The following SOX6 variants were observed in gnomAD, a reference collection of about 807,000 sequenced individuals.
SOX6 encodes transcription factor SOX-6.
A neutral mutation model predicts 97.8 loss-of-function variants in SOX6; 11 were observed. That is an observed-to-expected ratio of 0.11 (90% CI 0.07 to 0.19). SOX6 has a LOEUF of 0.19. SOX6 is among the 10% of genes least tolerant of loss of function. The probability of loss-of-function intolerance (pLI) is 1.00; values close to 1 mark genes in which losing one functional copy is unlikely to be tolerated. For missense variants in SOX6, 810 were observed against 1,039.5 expected (o/e 0.78, Z 3.04); for synonymous variants, 360 against 371.4 (o/e 0.97, Z 0.35).
chr11:16,150,676 A>T (rs1352260324), intron 6 of SOX6, among the ~76,000 whole-genome samples: 2 of 152,264 alleles, frequency 1.3e-5, no homozygotes, highest in Non-Finnish European at 2.9e-5. Context: ...ACCATTCCTC[A>T]TTCACCCACT....
chr11:16,574,249 T>C (rs998664944), intron 4 of SOX6, among the ~76,000 whole-genome samples: 2 of 152,050 alleles, frequency 1.3e-5, no homozygotes, highest in Non-Finnish European at 2.9e-5. Context: ...TATTATAAAG[T>C]AAATATAATT....
chr11:16,015,460 T>C (rs995964741), intron 12 of SOX6: 5 of 187,348 alleles, frequency 2.7e-5, no homozygotes, highest in African/African-American at 1.2e-4. Context: ...ATAGTTTGCA[T>C]TGGTATTCCT....
At chr11:16,355,451 T>C (rs1229271321) in intron 1 of SOX6, among the ~76,000 whole-genome samples, 1 of 152,048 alleles carries the variant, frequency 6.6e-6, no homozygotes, top group Non-Finnish European at 1.5e-5. Flanking sequence ...TTTATATAAA[T>C]AATACTTTCA....
chr11:16,021,487 T>C (rs757485851), intron 12 of SOX6, among the ~76,000 whole-genome samples: 2 of 152,166 alleles, frequency 1.3e-5, no homozygotes, highest in Non-Finnish European at 2.9e-5. Context: ...AAATGTAGGC[T>C]TTACACTGGA....
rs1853265985 is a variant in SOX6 at position 15,970,393 on chromosome 11, CATACA to C, written c.*2411_*2415del. 1.3e-5 allele frequency: 2 copies of C among 152,362 alleles called. No individual in the cohort carries two copies. The highest frequency in any genetic ancestry group is 2.9e-5 in the Non-Finnish European group (2 of 67,988). 9.4% of individuals were successfully genotyped at this position (152,362 alleles called of 1,614,324 possible). ...GTTTGCTTTTGTGCAAAATTAATTA[CATACA>C]ATACAATGCTAGCCATACAACACTC... On this transcript the variant is annotated 3_prime_UTR_variant, in exon 16 of 16. Transcript: ENST00000683767.
chr11:16,518,505 A>G (rs1029486207), intron 4 of SOX6, among the ~76,000 whole-genome samples: 19 of 152,214 alleles, frequency 1.2e-4, no homozygotes, highest in Admixed American at 6.5e-4. Flanking sequence ...CTAGGCTATA[A>G]GCTCATTGAG....
At chr11:16,435,940 A>G (rs1859367942) in intron 1 of SOX6, among the ~76,000 whole-genome samples, 1 of 151,926 alleles carries the variant, frequency 6.6e-6, no homozygotes, top group Non-Finnish European at 1.5e-5. Context: ...GTCACTTGCT[A>G]CCTCAGCTAC....
chr11:16,194,994 C>T (rs575095323), intron 4 of SOX6, among the ~76,000 whole-genome samples: 29 of 152,272 alleles, frequency 1.9e-4, no homozygotes, highest in African/African-American at 6.7e-4. Context: ...TAATTTCTGG[C>T]CTTTCAGAAA....
At chr11:16,583,623 A>ATATATG (rs1565186441) in intron 4 of SOX6, among the ~76,000 whole-genome samples, 5 of 138,468 alleles carry the variant, frequency 3.6e-5, no homozygotes, top group African/African-American at 1.3e-4. Context: ...ACATATATAT[A>ATATATG]TATATATATA....
At chr11:16,202,921 T>C (rs1008686486) in intron 4 of SOX6, among the ~76,000 whole-genome samples, 2 of 152,000 alleles carry the variant, frequency 1.3e-5, no homozygotes, top group African/African-American at 2.4e-5. Context: ...CCAAAATACA[T>C]AGAAAATCTA....
chr11:16,330,955 T>C (rs1856273432), intron 2 of SOX6, among the ~76,000 whole-genome samples: 1 of 152,132 alleles, frequency 6.6e-6, no homozygotes. Flanking sequence ...AAAAAGAATG[T>C]CTTTTTGACA....
chr11:16,545,674 A>G (rs1008756687), intron 4 of SOX6, among the ~76,000 whole-genome samples: 1 of 152,168 alleles, frequency 6.6e-6, no homozygotes, highest in Non-Finnish European at 1.5e-5. Context: ...CAAACTGACC[A>G]GGCATGGTGG....
chr11:16,202,912 C>G (rs1436589065), intron 4 of SOX6, among the ~76,000 whole-genome samples: 1 of 151,884 alleles, frequency 6.6e-6, no homozygotes, highest in Non-Finnish European at 1.5e-5. Context: ...AAGCAAACAC[C>G]AAAATACATA....
intron 2 of SOX6, among the ~76,000 whole-genome samples, chr11:16,727,037 G>T (rs1010112102): frequency 8.6e-5 from 13 of 152,000 alleles, no homozygotes; most frequent in African/African-American, 3.1e-4. Flanking sequence ...TTAACTTACA[G>T]TTAAATTTTT....
intron 3 of SOX6, among the ~76,000 whole-genome samples, chr11:16,294,313 G>T (rs1207262454): frequency 1.3e-5 from 2 of 152,010 alleles, no homozygotes; most frequent in Non-Finnish European, 2.9e-5. Context: ...ATTTTTAAAA[G>T]TCTTGAGCTT....
chr11:16,488,196 G>A lies in SOX6; in HGVS notation n.610-11808C>T, dbSNP rs192754376. On this transcript the variant is annotated intron_variant and non_coding_transcript_variant, in intron 4 of 5. Transcript: ENST00000524520. ...TCATCACTTACTGGATGTTTACTCTGTGCCAGGCACTGTGTTAAGCCCTGA... is the reference window on the plus strand; with the variant it reads ...TCATCACTTACTGGATGTTTACTCTATGCCAGGCACTGTGTTAAGCCCTGA... Among the ~76,000 whole-genome samples the A allele has an allele frequency of 3.3e-3, 507 of 152,234 alleles. 4 individuals carry two copies. Among genetic ancestry groups the A allele is most frequent in the Non-Finnish European group, 5.8e-3 (392 of 67,992 alleles).
rs1190357477 is a variant in SOX6 at position 16,634,433 on chromosome 11, G to A, written n.430-22173C>T. Among the ~76,000 whole-genome samples the A allele has an allele frequency of 2.0e-5, 3 of 152,056 alleles. No individual in the cohort carries two copies. The South Asian group carries it at 6.2e-4, about 31-fold the overall frequency. On this transcript the variant is annotated intron_variant and non_coding_transcript_variant, in intron 3 of 5. Coordinates refer to the SOX6 transcript ENST00000524520. ...AGAAAGAGGAGAAAGAGAGAATGGG[G>A]AAATAAGAATATTTGATAAAATAAT...
At chr11:16,366,731 C>A (rs1044108668) in intron 1 of SOX6, among the ~76,000 whole-genome samples, 1 of 151,974 alleles carries the variant, frequency 6.6e-6, no homozygotes, top group Non-Finnish European at 1.5e-5. Context: ...GCATTTCTTA[C>A]ATACATCAGT....
In SOX6 at chr11:15,972,656, G is replaced by A; in HGVS notation, c.*153C>T. ...AAACTCAAGTTCATGAAAAATCAGG[G>A]AAAACTTAATCTGTCTCACACTTTA... On this transcript the variant is annotated 3_prime_UTR_variant, in exon 16 of 16. Transcript: ENST00000683767. 3 of 791,468 alleles carry A rather than the reference G, an allele frequency of 3.8e-6. No individual in the cohort carries two copies. Among genetic ancestry groups the A allele is most frequent in the South Asian group, 1.8e-5 (1 of 57,102 alleles). 49.0% of individuals were successfully genotyped at this position (791,468 alleles called of 1,614,324 possible).
Sources: gnomAD v4.1 joint callset for allele counts (sites outside exome capture counted in the v4.1 genomes callset) on GRCh38, gnomAD v4.1.1 for gene constraint, MANE v1.5 for transcripts, NCBI Gene and HGNC (gene_info 2026-07-23, HGNC 2026-07-21) for gene names.